The following ITPR2 variants were observed in gnomAD, a reference collection of about 807,000 sequenced individuals.
ITPR2 encodes the protein inositol 1,4,5-trisphosphate receptor type 2.
In ITPR2, 207 loss-of-function variants were observed where a neutral mutation model predicts 317.1. That is an observed-to-expected ratio of 0.65 (90% confidence interval 0.58 to 0.73). The LOEUF (loss-of-function observed/expected upper bound fraction) is 0.73. Ranked by LOEUF, ITPR2 falls within the 30% of genes least tolerant of loss-of-function variation. The probability of loss-of-function intolerance (pLI) is 0.00; values close to 1 mark genes in which losing one functional copy is unlikely to be tolerated. For synonymous variants in ITPR2, 1,156 were observed against 1,149.1 expected (o/e 1.01, Z -0.12); for missense variants, 2,613 against 3,284.0 (o/e 0.80, Z 4.99).
At chr12:26,529,655 T>C (rs2136956900) in intron 37 of ITPR2, among the ~76,000 whole-genome samples, 1 of 152,324 alleles carries the variant, frequency 6.6e-6, no homozygotes, top group South Asian at 2.1e-4. Flanking sequence ...CTGTGGAACC[T>C]GGAACAAGTA....
chr12:26,667,269 C>T (rs961802138), intron 13 of ITPR2, among the ~76,000 whole-genome samples: 6 of 152,168 alleles, frequency 3.9e-5, no homozygotes, highest in African/African-American at 7.2e-5. Flanking sequence ...TCCTATCTCC[C>T]GATTTATGTC....
intron 55 of ITPR2, among the ~76,000 whole-genome samples, chr12:26,351,165 G>A (rs1020618070): frequency 5.3e-5 from 8 of 152,192 alleles, no homozygotes; most frequent in South Asian, 2.1e-4. Flanking sequence ...CTCTGGGGAC[G>A]GGCACTGGTC....
At chr12:26,612,200 G>GTAC in intron 26 of ITPR2, among the ~76,000 whole-genome samples, 1 of 151,960 alleles carries the variant, frequency 6.6e-6, no homozygotes, top group Admixed American at 6.6e-5. Context: ...ACCACTGAGG[G>GTAC]AAAAAACTTT....
At chr12:26,595,009 T>G (rs942400026) in intron 32 of ITPR2, among the ~76,000 whole-genome samples, 1 of 152,198 alleles carries the variant, frequency 6.6e-6, no homozygotes, top group African/African-American at 2.4e-5. Flanking sequence ...AAGAAGATTT[T>G]GAATAGGCAA....
At chr12:26,771,269 A>G (rs1213730345) in intron 2 of ITPR2, among the ~76,000 whole-genome samples, 2 of 152,146 alleles carry the variant, frequency 1.3e-5, no homozygotes, top group Non-Finnish European at 2.9e-5. Context: ...AGACTAATTT[A>G]TAAAATTCCA....
intron 35 of ITPR2, among the ~76,000 whole-genome samples, chr12:26,557,360 A>G (rs1435374151): frequency 2.0e-5 from 3 of 152,148 alleles, no homozygotes; most frequent in African/African-American, 7.2e-5. Context: ...TAGGGTCAAG[A>G]TTGATTACTC....
chr12:26,800,337 T>A (rs1189155219), intron 1 of ITPR2, among the ~76,000 whole-genome samples: 1 of 152,220 alleles, frequency 6.6e-6, no homozygotes, highest in Non-Finnish European at 1.5e-5. Flanking sequence ...AACAAGTTAC[T>A]ATGCATGAGT....
At chr12:26,559,264 G>T (rs187620785) in intron 35 of ITPR2, among the ~76,000 whole-genome samples, 2 of 152,168 alleles carry the variant, frequency 1.3e-5, no homozygotes, top group Non-Finnish European at 2.9e-5. Flanking sequence ...ATCACACATA[G>T]AATACAATTA....
intron 1 of ITPR2, among the ~76,000 whole-genome samples, chr12:26,811,556 G>A (rs1425377881): frequency 3.3e-5 from 5 of 151,748 alleles, no homozygotes; most frequent in Non-Finnish European, 7.4e-5. Context: ...CCACCCTGGC[G>A]GGCGCCTGTA....
intron 21 of ITPR2, among the ~76,000 whole-genome samples, chr12:26,640,638 A>G (rs1279732300): frequency 2.0e-5 from 3 of 152,308 alleles, no homozygotes; most frequent in African/African-American, 4.8e-5. Context: ...TGAATCATCT[A>G]TGTAGTAACT....
intron 32 of ITPR2, among the ~76,000 whole-genome samples, chr12:26,582,497 A>G (rs938832463): frequency 2.6e-5 from 4 of 152,212 alleles, no homozygotes; most frequent in Admixed American, 2.0e-4. Context: ...TATTTATTCC[A>G]TAATTCTAAT....
chr12:26,417,901 G>C (rs1358313322), intron 50 of ITPR2, among the ~76,000 whole-genome samples: 1 of 152,110 alleles, frequency 6.6e-6, no homozygotes, highest in Non-Finnish European at 1.5e-5. Flanking sequence ...AATATTACAT[G>C]TCAGTCAGGT....
chr12:26,501,283 T>C (rs1376759722), intron 37 of ITPR2, among the ~76,000 whole-genome samples: 2 of 152,208 alleles, frequency 1.3e-5, no homozygotes, highest in Admixed American at 1.3e-4. Flanking sequence ...GTATTTTTCC[T>C]CATTTGAATT....
At chr12:26,568,328 G>A (rs1945067972) in intron 34 of ITPR2, among the ~76,000 whole-genome samples, 1 of 151,688 alleles carries the variant, frequency 6.6e-6, no homozygotes, top group African/African-American at 2.4e-5. Flanking sequence ...ATAAGAGAGA[G>A]GATGGGTTGT....
chr12:26,663,924 T>C (rs539307526), intron 14 of ITPR2, 78 bp from the exon 15 acceptor site: 174 of 1,300,304 alleles, frequency 1.3e-4, no homozygotes, highest in Middle Eastern at 2.7e-4. Flanking sequence ...AATAAGAACA[T>C]TGATTCAAAA....
At chr12:26,657,975 C>T (rs1308632663) in intron 17 of ITPR2, 36 bp downstream of exon 17, 1 of 1,601,900 alleles carries the variant, frequency 6.2e-7, no homozygotes, top group South Asian at 1.1e-5. Flanking sequence ...TACAAATAAT[C>T]AACAGGAAAA....
chr12:26,435,003 T>C (rs1218584864), intron 48 of ITPR2, among the ~76,000 whole-genome samples: 1 of 152,206 alleles, frequency 6.6e-6, no homozygotes, highest in African/African-American at 2.4e-5. Flanking sequence ...AAATATTTGC[T>C]ACATTTTCAC....
intron 1 of ITPR2, among the ~76,000 whole-genome samples, chr12:26,802,551 A>C (rs1369321389): frequency 6.9e-6 from 1 of 145,746 alleles, no homozygotes; most frequent in African/African-American, 2.5e-5. Context: ...GAGGAGATAT[A>C]TATATATCTA....
intron 14 of ITPR2, among the ~76,000 whole-genome samples, chr12:26,665,174 T>C (rs1294126367): frequency 1.3e-5 from 2 of 152,216 alleles, no homozygotes; most frequent in Admixed American, 6.5e-5. Flanking sequence ...GGAAGAAAAC[T>C]AGAATATTGT....
Sources: gnomAD v4.1 joint callset for allele counts (sites outside exome capture counted in the v4.1 genomes callset) on GRCh38, gnomAD v4.1.1 for gene constraint, MANE v1.5 for transcripts, NCBI Gene and HGNC (gene_info 2026-07-23, HGNC 2026-07-21) for gene names.